The following NYAP2 variants were observed in gnomAD, a reference collection of about 807,000 sequenced individuals.
The protein encoded by NYAP2 is neuronal tyrosine-phosphorylated phosphoinositide-3-kinase adaptor 2.
A neutral mutation model predicts 50.4 loss-of-function variants in NYAP2; 23 were observed. That is an observed-to-expected ratio of 0.46 (90% CI 0.33 to 0.65). The LOEUF is 0.65. NYAP2 is among the 30% of genes least tolerant of loss of function. The probability of loss-of-function intolerance (pLI) is 0.02; values close to 1 mark genes in which losing one functional copy is unlikely to be tolerated. For missense variants in NYAP2, 885 were observed against 861.0 expected, an observed-to-expected ratio of 1.03 and a Z score of -0.35; for synonymous variants, 394 against 365.2, an observed-to-expected ratio of 1.08 and a Z score of -0.90.
intron 5 of NYAP2, among the ~76,000 whole-genome samples, chr2:225,609,948 T>C (rs912869202): frequency 1.3e-5 from 2 of 152,156 alleles, no homozygotes; most frequent in African/African-American, 4.8e-5. Context: ...CTCAGCTTTA[T>C]TGTTCACCAA....
intron 3 of NYAP2, among the ~76,000 whole-genome samples, chr2:225,502,715 T>C (rs1690628177): frequency 6.6e-6 from 1 of 152,222 alleles, no homozygotes; most frequent in African/African-American, 2.4e-5. Flanking sequence ...AGAAGCCACA[T>C]CTTCCCATGG....
intron 3 of NYAP2, among the ~76,000 whole-genome samples, chr2:225,456,061 A>G (rs1689733688): frequency 6.6e-6 from 1 of 152,236 alleles, no homozygotes; most frequent in Admixed American, 6.5e-5. Context: ...ATCTAAGCAT[A>G]CAAAAATCAG....
chr2:225,483,429 A>T (rs1574637387), intron 3 of NYAP2, among the ~76,000 whole-genome samples: 1 of 152,316 alleles, frequency 6.6e-6, no homozygotes, highest in Non-Finnish European at 1.5e-5. Flanking sequence ...TTGAGCAGAG[A>T]CTTTGAAAAG....
chr2:225,619,524 G>T (rs1574712462), intron 5 of NYAP2, among the ~76,000 whole-genome samples: 1 of 152,278 alleles, frequency 6.6e-6, no homozygotes, highest in East Asian at 1.9e-4. Flanking sequence ...AAGAGATTCT[G>T]GTAAAACCCA....
chr2:225,594,591 G>T (rs1005980030), intron 5 of NYAP2, among the ~76,000 whole-genome samples: 29 of 152,130 alleles, frequency 1.9e-4, no homozygotes. Flanking sequence ...GAAAGACATT[G>T]CATAAATCCA....
intron 5 of NYAP2, among the ~76,000 whole-genome samples, chr2:225,622,553 CTTTCTTT>C (rs1559232897): frequency 8.3e-4 from 34 of 40,752 alleles, no homozygotes; most frequent in East Asian, 2.2e-3. Flanking sequence ...TTCTTTCTTT[CTTTCTTT>C]TTCTTTCTTT....
chr2:225,609,793 T>C (rs1692848831), intron 5 of NYAP2, among the ~76,000 whole-genome samples: 1 of 152,164 alleles, frequency 6.6e-6, no homozygotes, highest in African/African-American at 2.4e-5. Flanking sequence ...AGCATCATAA[T>C]ATTCGAGATT....
intron 4 of NYAP2, among the ~76,000 whole-genome samples, chr2:225,568,758 A>G (rs1212177141): frequency 3.3e-5 from 5 of 152,204 alleles, no homozygotes; most frequent in Admixed American, 6.5e-5. Flanking sequence ...AATATCCAAC[A>G]GGGATAAGTT....
At chr2:225,498,878 T>G (rs539871728) in intron 3 of NYAP2, among the ~76,000 whole-genome samples, 4 of 152,296 alleles carry the variant, frequency 2.6e-5, no homozygotes, top group Admixed American at 2.0e-4. Flanking sequence ...GCAATGACAT[T>G]GGCTTGGAAC....
the NYAP2 span, among the ~76,000 whole-genome samples, chr2:225,663,450 G>A: frequency 1.3e-5 from 2 of 152,288 alleles, no homozygotes; most frequent in Middle Eastern, 3.4e-3. Flanking sequence ...TCAAGGCCCT[G>A]TGTGACCTGG....
chr2:225,605,023 T>G (rs1692762162), intron 5 of NYAP2, among the ~76,000 whole-genome samples: 1 of 152,182 alleles, frequency 6.6e-6, no homozygotes, highest in African/African-American at 2.4e-5. Context: ...AATATTCTCA[T>G]TAGCCTTTGT....
intron 5 of NYAP2, among the ~76,000 whole-genome samples, chr2:225,619,173 G>A (rs997720765): frequency 6.6e-6 from 1 of 152,284 alleles, no homozygotes; most frequent in South Asian, 2.1e-4. Flanking sequence ...CACAATAATA[G>A]CAATTATTAT....
chr2:225,477,859 G>A (rs937310166), intron 3 of NYAP2, among the ~76,000 whole-genome samples: 1 of 152,098 alleles, frequency 6.6e-6, no homozygotes, highest in Non-Finnish European at 1.5e-5. Context: ...ATGACATTCT[G>A]TAGAGAAAAC....
Position 225,582,743 on chromosome 2 carries a change from G to A in NYAP2, c.1326G>A (p.Met442Ile), listed in dbSNP as rs1692316908. The A allele has an allele frequency of 2.5e-6, 4 of 1,613,358 alleles. No homozygotes were observed. The highest frequency in any genetic ancestry group is 2.2e-5 in the East Asian group (1 of 44,820). The change falls in exon 5 of 7, where the codon ATG (methionine) becomes ATA (isoleucine). Residue 442 changes from methionine to isoleucine, a missense_variant. Met to Ile is a conservative substitution (Grantham distance 10, BLOSUM62 1). Coordinates refer to ENST00000636099, the Ensembl canonical transcript of NYAP2. This position sits in a 1 kb window ranked among gnomAD's most constrained non-coding sequence, Gnocchi z 7.0. ...CCACCTCTCCCTCCCCCGTCAGCAT[G>A]GGGAGGTCCCTGACTCCCCTGAGCC... is the stretch of plus-strand genomic sequence containing the variant.
intron 4 of NYAP2, among the ~76,000 whole-genome samples, chr2:225,548,788 C>A (rs1342001419): frequency 6.6e-6 from 1 of 152,050 alleles, no homozygotes; most frequent in East Asian, 1.9e-4. Context: ...TTCTAAGGGA[C>A]AACTTTGAGC....
chr2:225,624,136 A>G (rs1693169266), intron 5 of NYAP2, among the ~76,000 whole-genome samples: 1 of 152,240 alleles, frequency 6.6e-6, no homozygotes, highest in African/African-American at 2.4e-5. Context: ...TTTTCTTTCT[A>G]TAAATACTGC....
At chr2:225,519,680 A>C (rs1691011736) in intron 4 of NYAP2, among the ~76,000 whole-genome samples, 1 of 152,156 alleles carries the variant, frequency 6.6e-6, no homozygotes, top group South Asian at 2.1e-4. Flanking sequence ...ATTGTTGGAC[A>C]TTTGCGCTGG....
intron 3 of NYAP2, among the ~76,000 whole-genome samples, chr2:225,495,207 C>T (rs1193539820): frequency 6.6e-6 from 1 of 152,100 alleles, no homozygotes; most frequent in Non-Finnish European, 1.5e-5. Context: ...TGCCTTTCTA[C>T]CCCAAGACTT....
At chr2:225,699,491 G>A in the NYAP2 span, 9 of 151,970 alleles carry the variant, frequency 5.9e-5, no homozygotes, top group African/African-American at 2.2e-4. Flanking sequence ...CTTTTCATGT[G>A]TATGCTTGTT....
Sources: allele counts gnomAD v4.1 joint callset (sites outside exome capture counted in the v4.1 genomes callset), GRCh38; gene constraint gnomAD v4.1.1; non-coding constraint Gnocchi (gnomAD v3.1); transcripts MANE v1.5; gene names NCBI Gene and HGNC (gene_info 2026-07-23, HGNC 2026-07-21).